TCF15: variants seen among roughly 807,000 people sequenced by gnomAD.
The protein encoded by TCF15 is transcription factor 15.
In TCF15, 7 loss-of-function variants were observed where a neutral mutation model predicts 11.1. The ratio of observed to expected loss-of-function variants is 0.63; its 90% CI spans 0.36 to 1.19. The LOEUF is 1.19. Among genes scored for constraint, TCF15 ranks in the 50% most tolerant of loss-of-function variants. The pLI is 0.02. For synonymous variants in TCF15, 144 were observed against 138.9 expected (o/e 1.04, Z -0.26); for missense variants, 288 against 289.4 (o/e 1.00, Z 0.03).
chr20:609,956 C>A lies in TCF15; in HGVS notation c.282G>T (p.Ala94=). 2 of 1,486,074 alleles carry A rather than the reference C, an allele frequency of 1.3e-6. No individual in the cohort carries two copies. Among genetic ancestry groups the A allele is most frequent in the South Asian group, 1.3e-5 (1 of 75,300 alleles). 92.1% of individuals were successfully genotyped at this position (1,486,074 alleles called of 1,614,324 possible). A position where few individuals can be genotyped will look rare whatever the true frequency, so the allele number is the denominator to read the frequency against. The change falls in exon 1 of 2, where the codon GCG becomes GCT. Residue 94 remains alanine, a synonymous_variant. Transcript: ENST00000246080. The surrounding 1 kb of genome is among the most constrained non-coding windows in gnomAD (Gnocchi z 4.7). ...RTQSVNTAFT[A]LRTLIPTEPV... is the part of the protein sequence containing the mutation. ...GCTCGGTGGGGATGAGCGTGCGCAG[C>A]GCCGTGAAGGCCGTGTTCACGCTCT... is the stretch of plus-strand genomic sequence containing the variant.
In TCF15 at chr20:610,222, G is replaced by A. The variant is rs1362491870; in HGVS notation, c.16C>T (p.Leu6=). 3.9e-6 allele frequency: 4 copies of A among 1,017,958 alleles called. No individual in the cohort carries two copies. Among genetic ancestry groups the A allele is most frequent in the African/African-American group, 3.5e-5 (2 of 57,294 alleles). 63.1% of individuals were successfully genotyped at this position (1,017,958 alleles called of 1,614,324 possible). The change falls in exon 1 of 2, where the codon CTG becomes TTG. Residue 6 remains leucine (L), a synonymous_variant. Transcript: ENST00000246080. MAFAL[L]RPVGAHVLYP... ...AGCACGTGCGCGCCGACGGGCCGCA[G>A]CAGCGCGAACGCCATGGGCGCCGGC...
In TCF15 at chr20:610,271, C is replaced by A. The variant is rs1397229535; in HGVS notation, c.-34G>T. On this transcript the variant is annotated 5_prime_UTR_variant, in exon 1 of 2. Coordinates refer to ENST00000246080, the MANE Select transcript of TCF15 (RefSeq NM_004609.4). ...GCCGCGTCCCTCCGTGCGCCGCGTCCCAGCGTCGGCCGCGCCCCGCCGTGC... is the reference window on the plus strand; with the variant it reads ...GCCGCGTCCCTCCGTGCGCCGCGTCACAGCGTCGGCCGCGCCCCGCCGTGC... 6 of 988,772 alleles carry A rather than the reference C, an allele frequency of 6.1e-6. No individual in the cohort carries two copies. The highest frequency in any genetic ancestry group is 1.8e-5 in the African/African-American group (1 of 56,946). 61.2% of individuals were successfully genotyped at this position (988,772 alleles called of 1,614,324 possible). A position where few individuals can be genotyped will look rare whatever the true frequency, so the allele number is the denominator to read the frequency against.
Position 610,085 on chromosome 20 carries a change from C to T in TCF15, c.153G>A (p.Pro51=). The T allele has an allele frequency of 4.1e-6, 4 of 983,266 alleles. No individual in the cohort carries two copies. The highest frequency in any genetic ancestry group is 4.8e-6 in the Non-Finnish European group (4 of 829,850). The allele number at this position is 983,266 out of a possible 1,614,324, so 60.9% of individuals were successfully genotyped here. A position where few individuals can be genotyped will look rare whatever the true frequency, so the allele number is the denominator to read the frequency against. ...CEGPEAARRG[P]GPGGGRRAGG... is the part of the protein sequence containing the mutation. Reference sequence around the variant, plus strand: ...CCGCCCGCCGCCCGCCCCCGGGGCCCGGGCCGCGCCGCGCCGCCTCCGGGC... The same window carrying T: ...CCGCCCGCCGCCCGCCCCCGGGGCCTGGGCCGCGCCGCGCCGCCTCCGGGC... Residue 51 remains proline, a synonymous_variant, in exon 1 of 2, where the codon CCG becomes CCA. Coordinates refer to ENST00000246080, the MANE Select transcript of TCF15 (RefSeq NM_004609.4).
chr20:609,809 G>A lies in TCF15; in HGVS notation c.429C>T (p.Ala143=). 1 of 1,499,852 alleles carries A rather than the reference G, an allele frequency of 6.7e-7. No homozygotes were observed. Among genetic ancestry groups the A allele is most frequent in the Non-Finnish European group, 8.8e-7 (1 of 1,136,086 alleles). The allele number at this position is 1,499,852 out of a possible 1,614,324, so 92.9% of individuals were successfully genotyped here. ...SADDGQPCFR[A]AGSAKGAVPA... is the part of the protein sequence containing the mutation. ...GGACGGCGCCCTTGGCACTGCCCGCGGCACGGAAGCACGGCTGCCCGTCGT... is the reference window on the plus strand; with the variant it reads ...GGACGGCGCCCTTGGCACTGCCCGCAGCACGGAAGCACGGCTGCCCGTCGT... Residue 143 remains alanine, a synonymous_variant, in exon 1 of 2, where the codon GCC becomes GCT. Transcript: ENST00000246080. The surrounding 1 kb of genome is among the most constrained non-coding windows in gnomAD (Gnocchi z 4.7).
intron 1 of TCF15, among the ~76,000 whole-genome samples, chr20:608,536 C>T (rs2019995424): frequency 1.3e-5 from 2 of 152,194 alleles, no homozygotes; most frequent in African/African-American, 4.8e-5. Context: ...GCTAAGAAGA[C>T]CGACGATTCA....
At chr20:605,443 T>C (rs1205135784) in intron 1 of TCF15, among the ~76,000 whole-genome samples, 2 of 152,200 alleles carry the variant, frequency 1.3e-5, no homozygotes, top group Non-Finnish European at 2.9e-5. Flanking sequence ...GTTCCTGAAA[T>C]TGCCTAGCAC....
chr20:608,700 G>A (rs2019997081), intron 1 of TCF15, among the ~76,000 whole-genome samples: 1 of 152,182 alleles, frequency 6.6e-6, no homozygotes, highest in African/African-American at 2.4e-5. Flanking sequence ...AGGGAGTCAG[G>A]GGCCTAACTC....
At position 610,017 on chromosome 20, in the gene TCF15, CG is replaced by C; in HGVS notation, c.220del (p.Arg74GlyfsTer15). 7.5e-7 allele frequency: 1 copy of C among 1,325,014 alleles called. No individual in the cohort carries two copies. The highest frequency in any genetic ancestry group is 9.7e-7 in the Non-Finnish European group (1 of 1,032,490). 82.1% of individuals were successfully genotyped at this position (1,325,014 alleles called of 1,614,324 possible). On this transcript the variant is annotated frameshift_variant, in exon 1 of 2. Coordinates refer to ENST00000246080, the MANE Select transcript of TCF15 (RefSeq NM_004609.4). LOFTEE classifies it high-confidence loss of function. The part of the protein sequence containing the change: ...GAGPVVVVRQ[R>X]QAANARERDR... Reference sequence around the variant, plus strand: ...CCGCTCCCGCGCGTTGGCCGCCTGCCGCTGTCGCACCACCACCACGGGGCCC... The same window carrying C: ...CCGCTCCCGCGCGTTGGCCGCCTGCCCTGTCGCACCACCACCACGGGGCCC...
Position 604,490 on chromosome 20 carries a change from C to T in TCF15, c.*101G>A, listed in dbSNP as rs1465188751. ...AGAGTGTCCCGGAACAGGCCATGGT[C>T]CCCCGGTCCCTACACAAAGAAGGGG... On this transcript the variant is annotated 3_prime_UTR_variant, in exon 2 of 2. Coordinates refer to ENST00000246080, the MANE Select transcript of TCF15 (RefSeq NM_004609.4). The surrounding 1 kb of genome is among the most constrained non-coding windows in gnomAD (Gnocchi z 4.2). 1 of 1,105,196 alleles carries T rather than the reference C, an allele frequency of 9.0e-7. No individual in the cohort carries two copies. The highest frequency in any genetic ancestry group is 1.3e-6 in the Non-Finnish European group (1 of 742,622). The allele number at this position is 1,105,196 out of a possible 1,614,324, so 68.5% of individuals were successfully genotyped here.
intron 1 of TCF15, among the ~76,000 whole-genome samples, chr20:607,166 C>T (rs2019982434): frequency 6.6e-6 from 1 of 152,138 alleles, no homozygotes; most frequent in Non-Finnish European, 1.5e-5. Flanking sequence ...TCCCAGCTAC[C>T]CTCTGGGTAT....
Position 609,449 on chromosome 20 carries a change from T to C in TCF15, c.525+264A>G, listed in dbSNP as rs1255677066. ...TGCCGTCTTCCCAGCAGGAAGGAAG[T>C]TCCAGCACACCTTTCGTTGGAGGGG... On this transcript the variant is annotated intron_variant, in intron 1 of 1. Coordinates refer to ENST00000246080, the MANE Select transcript of TCF15 (RefSeq NM_004609.4). This position sits in a 1 kb window ranked among gnomAD's most constrained non-coding sequence, Gnocchi z 4.7. Among the ~76,000 whole-genome samples, 1 of 152,182 alleles carries C rather than the reference T, an allele frequency of 6.6e-6. No individual in the cohort carries two copies. Among genetic ancestry groups the C allele is most frequent in the African/African-American group, 2.4e-5 (1 of 41,452 alleles).
rs559401351 is a variant in TCF15 at position 605,692 on chromosome 20, T to A, written c.526-1027A>T. Among the ~76,000 whole-genome samples, 179 of 152,196 alleles carry A rather than the reference T, an allele frequency of 1.2e-3. 1 individual carries two copies. Among genetic ancestry groups the A allele is most frequent in the Non-Finnish European group, 1.9e-3 (126 of 68,016 alleles). Reference sequence around the variant, plus strand: ...TTGGAAGATGGGCTAATGGCGGCAGTCCCTGAAACCATCAGTCCTTACAGG... The same window carrying A: ...TTGGAAGATGGGCTAATGGCGGCAGACCCTGAAACCATCAGTCCTTACAGG... On this transcript the variant is annotated intron_variant, in intron 1 of 1. Coordinates refer to ENST00000246080, the MANE Select transcript of TCF15 (RefSeq NM_004609.4).
intron 1 of TCF15, among the ~76,000 whole-genome samples, chr20:605,667 T>C (rs2019967955): frequency 1.3e-5 from 2 of 152,202 alleles, no homozygotes; most frequent in South Asian, 4.1e-4. Flanking sequence ...GTGGCAGCCA[T>C]TGGAAGATGG....
chr20:608,057 C>T (rs2019991575), intron 1 of TCF15, among the ~76,000 whole-genome samples: 1 of 152,180 alleles, frequency 6.6e-6, no homozygotes, highest in Admixed American at 6.5e-5. Flanking sequence ...AATCCTAGAA[C>T]ACCCTTTCCT....
chr20:607,186 G>A (rs892475050), intron 1 of TCF15, among the ~76,000 whole-genome samples: 4 of 152,154 alleles, frequency 2.6e-5, no homozygotes, highest in African/African-American at 9.7e-5. Flanking sequence ...TACCAACAGG[G>A]GAGAGCCTTA....
chr20:607,021 T>G (rs1238543340), intron 1 of TCF15, among the ~76,000 whole-genome samples: 1 of 152,120 alleles, frequency 6.6e-6, no homozygotes, highest in Non-Finnish European at 1.5e-5. Flanking sequence ...TTCCCCCCCG[T>G]AAAGGGGAAT....
chr20:608,391 C>G (rs2019993880), intron 1 of TCF15, among the ~76,000 whole-genome samples: 1 of 152,162 alleles, frequency 6.6e-6, no homozygotes, highest in African/African-American at 2.4e-5. Context: ...AGGGAGTATC[C>G]CTGAGAGCCC....
chr20:606,917 G>A (rs1354356178), intron 1 of TCF15, among the ~76,000 whole-genome samples: 2 of 152,062 alleles, frequency 1.3e-5, no homozygotes, highest in Non-Finnish European at 2.9e-5. Context: ...TAGGAGTTAG[G>A]CTCAAGTGAG....
At chr20:605,815 C>T (rs918599368) in intron 1 of TCF15, among the ~76,000 whole-genome samples, 2 of 152,220 alleles carry the variant, frequency 1.3e-5, no homozygotes, top group South Asian at 2.1e-4. Flanking sequence ...TTAAAGCACC[C>T]CCTCTTTTGA....
Sources: allele counts gnomAD v4.1 joint callset (sites outside exome capture counted in the v4.1 genomes callset), GRCh38; gene constraint gnomAD v4.1.1; non-coding constraint Gnocchi (gnomAD v3.1); transcripts MANE v1.5; gene names NCBI Gene and HGNC (gene_info 2026-07-23, HGNC 2026-07-21).